The following LPIN2 variants were observed in gnomAD, a reference collection of about 807,000 sequenced individuals.
The protein encoded by LPIN2 is phosphatidate phosphatase LPIN2.
LPIN2 carries 55 observed loss-of-function variants against 111.4 expected under a neutral mutation model. That is an observed-to-expected ratio of 0.49 (90% CI 0.40 to 0.62). LPIN2 has a LOEUF of 0.62. LPIN2 is among the 20% of genes least tolerant of loss of function. The probability of loss-of-function intolerance (pLI) is 0.00; values close to 1 mark genes in which losing one functional copy is unlikely to be tolerated. For missense variants in LPIN2, 992 were observed against 1,112.1 expected, an observed-to-expected ratio of 0.89 and a Z score of 1.54; for synonymous variants, 425 against 414.0, an observed-to-expected ratio of 1.03 and a Z score of -0.32.
At chr18:3,006,036 CA>C (rs1433000567) in intron 1 of LPIN2, among the ~76,000 whole-genome samples, 3 of 152,112 alleles carry the variant, frequency 2.0e-5, no homozygotes, top group Non-Finnish European at 4.4e-5. Context: ...TGGCCTCTGG[CA>C]AATCTCTTTC....
chr18:2,931,594 G>A, intron 8 of LPIN2, 151 bp from the exon 9 acceptor site: 2 of 733,626 alleles, frequency 2.7e-6, no homozygotes, highest in Non-Finnish European at 4.7e-6. Context: ...TCTTAGATAG[G>A]GTTTAGAATC....
rs1319393742 is a variant in LPIN2 at position 2,951,285 on chromosome 18, G to A, written c.360C>T (p.Thr120=). Residue 120 remains threonine, a synonymous_variant, in exon 4 of 20, where the codon ACC becomes ACT. Transcript: ENST00000677752. Reference sequence around the variant, plus strand: ...CATCTCCACCCGATTTCACCAAAGGGGTGTCAATATCTTTAAAGAACTGAT... The same window carrying A: ...CATCTCCACCCGATTTCACCAAAGGAGTGTCAATATCTTTAAAGAACTGAT... ...TEDQFFKDID[T]PLVKSGGDET... 1 of 1,614,002 alleles carries A rather than the reference G, an allele frequency of 6.2e-7. No individual in the cohort carries two copies. The highest frequency in any genetic ancestry group is 8.5e-7 in the Non-Finnish European group (1 of 1,179,994).
At position 2,931,393 on chromosome 18, in the gene LPIN2, C is replaced by T. The variant is rs1318702033; in HGVS notation, c.1319G>A (p.Gly440Asp). 1 of 1,610,142 alleles carries T rather than the reference C, an allele frequency of 6.2e-7. No homozygotes were observed. The highest frequency in any genetic ancestry group is 8.5e-7 in the Non-Finnish European group (1 of 1,178,158). ...RQWPESDTLS[G>D]SQSPQSVGSA... Reference sequence around the variant, plus strand: ...TCCCACGGACTGTGGGGACTGGGAGCCAGAGAGTGTGTCAGACTCGGGCCA... The same window carrying T: ...TCCCACGGACTGTGGGGACTGGGAGTCAGAGAGTGTGTCAGACTCGGGCCA... The change falls in exon 9 of 20, where the codon GGC (glycine) becomes GAC (aspartate). Residue 440 changes from glycine (G) to aspartate (D), a missense_variant. By Grantham distance (94) the Gly-to-Asp change is moderately conservative. Around this residue, in one of 4 missense-constraint regions of LPIN2, gnomAD observed 709 missense variants for 753.2 expected, o/e 0.94. Transcript: ENST00000677752.
At chr18:2,998,409 C>T (rs556586980) in intron 1 of LPIN2, among the ~76,000 whole-genome samples, 1 of 152,324 alleles carries the variant, frequency 6.6e-6, no homozygotes, top group South Asian at 2.1e-4. Context: ...AGGCCTCTTT[C>T]ACTCACTGAT....
rs117806728 is a variant in LPIN2, at chr18:2,920,903, G to A, written c.2443-22C>T. ...CATCCTGCAGAAGAAAATAGCAAGC[G>A]GGTGATTCCAGGGAGGAGAATTCAG... On this transcript the variant is annotated intron_variant, in intron 18 of 19. Coordinates refer to ENST00000677752, the MANE Select transcript of LPIN2 (RefSeq NM_001375808.2). The A allele has an allele frequency of 1.6e-3, 2,399 of 1,531,500 alleles. 46 individuals are homozygous for A. The East Asian group carries it at 0.043, about 28-fold the overall frequency. The allele number at this position is 1,531,500 out of a possible 1,614,324, so 94.9% of individuals were successfully genotyped here.
rs1360925575 is a variant in LPIN2, at chr18:2,918,632, C to T, written c.*1661G>A. On this transcript the variant is annotated 3_prime_UTR_variant, in exon 20 of 20. Transcript: ENST00000677752. ...TGGGAGAAGGCTCATGTGGTCCCTTCTCTGGGAACATGAGCCTTCCTAGGT... is the reference window on the plus strand; with the variant it reads ...TGGGAGAAGGCTCATGTGGTCCCTTTTCTGGGAACATGAGCCTTCCTAGGT... 1 of 152,196 alleles carries T rather than the reference C, an allele frequency of 6.6e-6. No individual in the cohort carries two copies. Among genetic ancestry groups the T allele is most frequent in the Non-Finnish European group, 1.5e-5 (1 of 68,046 alleles). The allele number at this position is 152,196 out of a possible 1,614,324, so 9.4% of individuals were successfully genotyped here.
In LPIN2 at chr18:3,006,715, T is replaced by C. The variant is rs550644404; in HGVS notation, c.-10+6372A>G. Among the ~76,000 whole-genome samples, 8 of 152,180 alleles carry C rather than the reference T, an allele frequency of 5.3e-5. No homozygotes were observed. In the South Asian group the frequency reaches 1.5e-3, roughly 28 times the overall value. ...AGCCAGGCGTGGTGGCGGGAGCCTG[T>C]AGTCCCAGCTACTCAGGAGGCTGAG... is the stretch of plus-strand genomic sequence containing the variant. On this transcript the variant is annotated intron_variant, in intron 1 of 19. Coordinates refer to ENST00000677752, the MANE Select transcript of LPIN2 (RefSeq NM_001375808.2).
At position 2,964,843 on chromosome 18, in the gene LPIN2, AACC is replaced by A. The variant is rs1367123404; in HGVS notation, c.-9-3997_-9-3995del. On this transcript the variant is annotated intron_variant, in intron 1 of 19. Transcript: ENST00000677752. ...AATATTACCACGCTCTTCCAAATGA[AACC>A]ACAACACACCAAAGAATTTATCAGA... Among the ~76,000 whole-genome samples the A allele has an allele frequency of 1.3e-4, 20 of 152,356 alleles. No individual in the cohort carries two copies. In the East Asian group the frequency reaches 3.5e-3, roughly 26 times the overall value.
chr18:2,982,329 G>T (rs972109384), intron 1 of LPIN2, among the ~76,000 whole-genome samples: 1 of 151,992 alleles, frequency 6.6e-6, no homozygotes, highest in Non-Finnish European at 1.5e-5. Flanking sequence ...AATGCAAAGA[G>T]AATGTGAAAC....
In LPIN2 at chr18:2,929,121, A is replaced by G; in HGVS notation, c.1494T>C (p.Phe498=). Residue 498 remains phenylalanine, a synonymous_variant, in exon 10 of 20, where the codon TTT becomes TTC. Transcript: ENST00000677752. ...TGTCTATAAGTCCAGGGTTTTCTGC[A>G]AATTCGTGATAAGTAATGATATGCT... ...FMEHIITYHE[F]AENPGLIDNP... 1 of 1,608,678 alleles carries G rather than the reference A, an allele frequency of 6.2e-7. No homozygotes were observed. The highest frequency in any genetic ancestry group is 8.5e-7 in the Non-Finnish European group (1 of 1,175,234).
intron 1 of LPIN2, among the ~76,000 whole-genome samples, chr18:3,006,601 G>A (rs565061002): frequency 4.3e-4 from 65 of 152,298 alleles, no homozygotes; most frequent in African/African-American, 1.5e-3. Flanking sequence ...ACTTTGGGAG[G>A]CCGAGGCAGG....
intron 1 of LPIN2, among the ~76,000 whole-genome samples, chr18:2,968,882 G>A (rs2143275918): frequency 6.6e-6 from 1 of 152,272 alleles, no homozygotes; most frequent in South Asian, 2.1e-4. Context: ...GTAGCTAAAG[G>A]CAGAGAGACT....
At chr18:3,003,814 ACC>A (rs2078469762) in intron 1 of LPIN2, among the ~76,000 whole-genome samples, 1 of 152,250 alleles carries the variant, frequency 6.6e-6, no homozygotes. Context: ...ATGGAAGATA[ACC>A]ATAAGGTCTG....
At chr18:2,921,239 C>T (rs1392867548) in intron 18 of LPIN2, 4 of 554,988 alleles carry the variant, frequency 7.2e-6, no homozygotes, top group East Asian at 3.2e-5. Flanking sequence ...GATCCAAGGA[C>T]GCAGCTCAGA....
Position 2,920,339 on chromosome 18 carries a change from TAGCAGAAGG to T in LPIN2, c.2636_2644del (p.Ser879_Cys881del). The T allele has an allele frequency of 6.2e-7, 1 of 1,614,164 alleles. No individual in the cohort carries two copies. ...CACTTCAGGGATCGGGTCTCGCCAG[TAGCAGAAGG>T]AGCTGAACTCCGGGCAGGGAAAAGC... is the stretch of plus-strand genomic sequence containing the variant. On this transcript the variant is annotated inframe_deletion, in exon 20 of 20. Transcript: ENST00000677752.
At chr18:2,970,749 T>G (rs890111728) in intron 1 of LPIN2, among the ~76,000 whole-genome samples, 1 of 152,164 alleles carries the variant, frequency 6.6e-6, no homozygotes, top group African/African-American at 2.4e-5. Flanking sequence ...AGAAAAAAAT[T>G]TTTAATTTTT....
chr18:2,980,806 C>CG (rs1430864528), intron 1 of LPIN2, among the ~76,000 whole-genome samples: 2 of 152,106 alleles, frequency 1.3e-5, no homozygotes, highest in Admixed American at 1.3e-4. Flanking sequence ...AGAGTCCCCC[C>CG]CCAGCTCTAA....
At chr18:3,003,164 T>C (rs1445927247) in intron 1 of LPIN2, among the ~76,000 whole-genome samples, 1 of 152,238 alleles carries the variant, frequency 6.6e-6, no homozygotes, top group East Asian at 1.9e-4. Context: ...TTCCCAAAGG[T>C]CTATGAGTAT....
intron 16 of LPIN2, among the ~76,000 whole-genome samples, chr18:2,922,478 T>C (rs939012286): frequency 6.6e-6 from 1 of 152,108 alleles, no homozygotes; most frequent in Non-Finnish European, 1.5e-5. Context: ...GGTTTCACCA[T>C]GTTGGCTAGA....
Sources: allele counts gnomAD v4.1 joint callset (sites outside exome capture counted in the v4.1 genomes callset), GRCh38; gene constraint gnomAD v4.1.1; regional missense constraint gnomAD v4.1.1; transcripts MANE v1.5; gene names NCBI Gene and HGNC (gene_info 2026-07-23, HGNC 2026-07-21).